Variants in NRXN3 observed in about 807,000 individuals in gnomAD.
The protein encoded by NRXN3 is neurexin III.
A neutral mutation model predicts 137.6 loss-of-function variants in NRXN3; 32 were observed. The ratio of observed to expected loss-of-function variants is 0.23; its 90% CI spans 0.18 to 0.31. The LOEUF (loss-of-function observed/expected upper bound fraction) is 0.31, where lower values mean the gene tolerates loss of function less well. Among genes scored for constraint, NRXN3 ranks in the 10% least tolerant of loss-of-function variants. The probability of loss-of-function intolerance (pLI) is 1.00; values close to 1 mark genes in which losing one functional copy is unlikely to be tolerated. For missense variants in NRXN3, 1,574 were observed against 2,062.5 expected (o/e 0.76, Z 4.59); for synonymous variants, 798 against 784.5 (o/e 1.02, Z -0.29).
intron 17 of NRXN3, among the ~76,000 whole-genome samples, chr14:79,669,715 G>A (rs1428699673): frequency 6.6e-6 from 1 of 151,998 alleles, no homozygotes; most frequent in African/African-American, 2.4e-5. Flanking sequence ...CTGAACTGGG[G>A]TGTGGTCCAT....
intron 4 of NRXN3, among the ~76,000 whole-genome samples, chr14:78,619,232 C>T (rs566025519): frequency 6.6e-6 from 1 of 152,296 alleles, no homozygotes; most frequent in East Asian, 1.9e-4. Context: ...TACCTGTCAC[C>T]TTTTCATTTA....
intron 10 of NRXN3, among the ~76,000 whole-genome samples, chr14:78,932,628 G>A (rs774131339): frequency 2.0e-4 from 30 of 152,230 alleles, no homozygotes; most frequent in Middle Eastern, 6.8e-3. Context: ...AAAAAGGAGT[G>A]GGCACATTTG....
At chr14:78,985,172 T>C (rs1320546526) in intron 14 of NRXN3, among the ~76,000 whole-genome samples, 2 of 152,124 alleles carry the variant, frequency 1.3e-5, no homozygotes, top group African/African-American at 2.4e-5. Context: ...TACACTCAGG[T>C]TTTGGAAGCA....
At chr14:78,726,838 G>A (rs1267369944) in intron 8 of NRXN3, among the ~76,000 whole-genome samples, 3 of 151,368 alleles carry the variant, frequency 2.0e-5, no homozygotes, top group East Asian at 3.9e-4. Flanking sequence ...CCATTTTTAT[G>A]TGTATAATAC....
intron 15 of NRXN3, among the ~76,000 whole-genome samples, chr14:79,182,177 G>A (rs1341591650): frequency 6.6e-6 from 1 of 151,910 alleles, no homozygotes; most frequent in Non-Finnish European, 1.5e-5. Context: ...GATATTCTAA[G>A]TCAGCAGTCC....
At chr14:78,276,825 C>G (rs374823241) in intron 2 of NRXN3, among the ~76,000 whole-genome samples, 1 of 152,172 alleles carries the variant, frequency 6.6e-6, no homozygotes, top group African/African-American at 2.4e-5. Flanking sequence ...ATTCTTCTGC[C>G]ACAGAACTCG....
chr14:79,375,128 CT>C (rs1467924926), intron 15 of NRXN3, among the ~76,000 whole-genome samples: 1 of 152,048 alleles, frequency 6.6e-6, no homozygotes, highest in Non-Finnish European at 1.5e-5. Flanking sequence ...ATTTAAATTA[CT>C]TGACTAGTCC....
intron 19 of NRXN3, among the ~76,000 whole-genome samples, chr14:79,769,328 C>T (rs2099068258): frequency 6.6e-6 from 1 of 151,220 alleles, no homozygotes; most frequent in South Asian, 2.1e-4. Context: ...TTGTCAGATT[C>T]ACCAAAGTTG....
At chr14:78,449,926 T>G (rs1333824733) in intron 4 of NRXN3, among the ~76,000 whole-genome samples, 1 of 152,216 alleles carries the variant, frequency 6.6e-6, no homozygotes, top group Non-Finnish European at 1.5e-5. Flanking sequence ...TAAGGAATCC[T>G]TCTCCATTCT....
chr14:78,241,073 C>T (rs1370307395), intron 1 of NRXN3, among the ~76,000 whole-genome samples: 1 of 152,310 alleles, frequency 6.6e-6, no homozygotes, highest in Admixed American at 6.5e-5. Context: ...ACTGTTTCTA[C>T]ATCATCATAA....
Position 78,414,009 on chromosome 14 carries a change from A to C in NRXN3, c.757+116149A>C, listed in dbSNP as rs370497372. Among the ~76,000 whole-genome samples, 6 of 152,260 alleles carry C rather than the reference A, an allele frequency of 3.9e-5. No homozygotes were observed. The South Asian group carries it at 6.2e-4, about 16-fold the overall frequency. On this transcript the variant is annotated intron_variant, in intron 4 of 20. Coordinates refer to ENST00000335750, the MANE Select transcript of NRXN3 (RefSeq NM_001330195.2). ...TTTATAAAAGAGAGTTCCCCTGCAC[A>C]TGCCCTCTTGCCTGTCAGCATGTAA...
At chr14:79,510,258 C>T (rs2096919979) in intron 16 of NRXN3, among the ~76,000 whole-genome samples, 1 of 152,060 alleles carries the variant, frequency 6.6e-6, no homozygotes. Context: ...GATGCCATGG[C>T]TGAAAAATTA....
intron 6 of NRXN3, among the ~76,000 whole-genome samples, chr14:78,665,613 G>A (rs750654434): frequency 5.9e-5 from 9 of 152,098 alleles, no homozygotes; most frequent in Non-Finnish European, 1.2e-4. Context: ...AGTGGTCAGG[G>A]CAGGACTCTT....
At chr14:79,198,188 G>A (rs1190740833) in intron 15 of NRXN3, among the ~76,000 whole-genome samples, 2 of 152,162 alleles carry the variant, frequency 1.3e-5, no homozygotes, top group African/African-American at 2.4e-5. Context: ...ATGGAAGCAT[G>A]TTCTCCTTCC....
chr14:79,680,604 A>G (rs2098665552), intron 17 of NRXN3, among the ~76,000 whole-genome samples: 1 of 152,072 alleles, frequency 6.6e-6, no homozygotes, highest in Non-Finnish European at 1.5e-5. Context: ...TTCAAAGGGT[A>G]TTCATACCCT....
intron 16 of NRXN3, among the ~76,000 whole-genome samples, chr14:79,581,770 C>T (rs1370918669): frequency 6.6e-6 from 1 of 152,056 alleles, no homozygotes; most frequent in Admixed American, 6.5e-5. Flanking sequence ...TTTACGTGGT[C>T]GTTTTGTTTC....
chr14:79,395,780 C>T (rs536806761), intron 15 of NRXN3, among the ~76,000 whole-genome samples: 18 of 146,694 alleles, frequency 1.2e-4, no homozygotes, highest in East Asian at 8.2e-4. Flanking sequence ...CTGCACTCCC[C>T]GCTGGGTGAC....
chr14:78,348,234 A>T (rs148401374), intron 4 of NRXN3, among the ~76,000 whole-genome samples: 6 of 152,332 alleles, frequency 3.9e-5, no homozygotes, highest in African/African-American at 1.4e-4. Context: ...ACACCTATGC[A>T]TTCAGAGGCT....
chr14:79,527,178 T>A (rs1326173928), intron 16 of NRXN3, among the ~76,000 whole-genome samples: 1 of 149,520 alleles, frequency 6.7e-6, no homozygotes, highest in Admixed American at 6.7e-5. Flanking sequence ...CCTGTAATCC[T>A]AGCTACTCGG....
Sources: gnomAD v4.1 joint callset for allele counts (sites outside exome capture counted in the v4.1 genomes callset) on GRCh38, gnomAD v4.1.1 for gene constraint, MANE v1.5 for transcripts, NCBI Gene and HGNC (gene_info 2026-07-23, HGNC 2026-07-21) for gene names.